Variants in FGD4 observed in about 807,000 individuals in gnomAD.
The protein encoded by FGD4 is FYVE, RhoGEF and PH domain containing 4.
A neutral mutation model predicts 102.0 loss-of-function variants in FGD4; 42 were observed. The ratio of observed to expected loss-of-function variants is 0.41; its 90% CI spans 0.32 to 0.53. The LOEUF (loss-of-function observed/expected upper bound fraction) is 0.53. Ranked by LOEUF, FGD4 falls within the 20% of genes least tolerant of loss-of-function variation. The pLI is 0.21. For synonymous variants in FGD4, 380 were observed against 375.7 expected (o/e 1.01, Z -0.13); for missense variants, 902 against 1,078.2 (o/e 0.84, Z 2.29).
At chr12:32,611,378 G>A in intron 10 of FGD4, 95 bp downstream of exon 10, 2 of 1,445,696 alleles carry the variant, frequency 1.4e-6, no homozygotes, top group Non-Finnish European at 1.9e-6. Context: ...CACTTTGGGA[G>A]GCCGAGGCGA....
At chr12:32,492,083 G>A (rs1944114454) in intron 1 of FGD4, among the ~76,000 whole-genome samples, 1 of 152,164 alleles carries the variant, frequency 6.6e-6, no homozygotes, top group East Asian at 1.9e-4. Context: ...TAGTGACTCT[G>A]GACAATGAAT....
At chr12:32,555,200 G>A (rs925355931) in intron 1 of FGD4, among the ~76,000 whole-genome samples, 6 of 152,208 alleles carry the variant, frequency 3.9e-5, no homozygotes, top group African/African-American at 1.2e-4. Context: ...AGGATTTCCT[G>A]GTGAATAGGA....
chr12:32,495,805 CTATT>C (rs1937778005), intron 1 of FGD4, among the ~76,000 whole-genome samples: 3 of 152,196 alleles, frequency 2.0e-5, no homozygotes, highest in South Asian at 2.1e-4. Context: ...TGCTGCATAT[CTATT>C]TGTGTGCGTG....
intron 1 of FGD4, among the ~76,000 whole-genome samples, chr12:32,554,259 T>G (rs1316753783): frequency 6.6e-6 from 1 of 152,234 alleles, no homozygotes; most frequent in African/African-American, 2.4e-5. Flanking sequence ...CTTTTAACTT[T>G]TTTTTTGTTT....
chr12:32,465,937 C>A (rs954742566), intron 1 of FGD4, among the ~76,000 whole-genome samples: 2 of 152,086 alleles, frequency 1.3e-5, no homozygotes, highest in Non-Finnish European at 2.9e-5. Flanking sequence ...CGCCACCATG[C>A]GTGGCTACTT....
intron 1 of FGD4, among the ~76,000 whole-genome samples, chr12:32,446,156 A>C (rs925899682): frequency 6.6e-6 from 1 of 152,240 alleles, no homozygotes; most frequent in African/African-American, 2.4e-5. Context: ...CCTTGTCTCA[A>C]AAAATAAAAA....
intron 1 of FGD4, among the ~76,000 whole-genome samples, chr12:32,427,551 G>T (rs990318680): frequency 1.3e-5 from 2 of 152,082 alleles, no homozygotes; most frequent in South Asian, 2.1e-4. Context: ...GTTGATTTGG[G>T]GTAGAGAGTT....
chr12:32,452,241 A>G (rs746826755), intron 1 of FGD4, among the ~76,000 whole-genome samples: 67 of 152,220 alleles, frequency 4.4e-4, no homozygotes, highest in Non-Finnish European at 9.0e-4. Context: ...TAGGAAAAAA[A>G]TTTATGTCTT....
intron 1 of FGD4, among the ~76,000 whole-genome samples, chr12:32,470,463 C>CTTT (rs551854980): frequency 2.3e-5 from 3 of 130,838 alleles, no homozygotes; most frequent in Non-Finnish European, 4.9e-5. Context: ...TTTTCTTTTT[C>CTTT]TTTTTTTTTT....
intron 1 of FGD4, among the ~76,000 whole-genome samples, chr12:32,485,607 AT>A (rs749655974): frequency 9.5e-5 from 14 of 147,778 alleles, no homozygotes; most frequent in South Asian, 2.2e-4. Flanking sequence ...CGCCTGGCTA[AT>A]TTTTTTTTTG....
Position 32,643,999 on chromosome 12 carries a change from C to T in FGD4, c.*3466C>T, listed in dbSNP as rs1951288577. 1 of 152,066 alleles carries T rather than the reference C, an allele frequency of 6.6e-6. No homozygotes were observed. 9.4% of individuals were successfully genotyped at this position (152,066 alleles called of 1,614,324 possible). A position where few individuals can be genotyped will look rare whatever the true frequency, so the allele number is the denominator to read the frequency against. On this transcript the variant is annotated 3_prime_UTR_variant, in exon 17 of 17. Coordinates refer to ENST00000534526, the MANE Select transcript of FGD4 (RefSeq NM_001370298.3). ...AGCAAGTAAACTTCTAGGGAACAAG[C>T]GTCTTGGGTTTTATAGGTATCTTTG...
intron 1 of FGD4, among the ~76,000 whole-genome samples, chr12:32,556,203 T>A (rs1944103402): frequency 6.6e-6 from 1 of 151,922 alleles, no homozygotes; most frequent in Non-Finnish European, 1.5e-5. Context: ...TAAGAACAGC[T>A]TAATATTTCT....
At chr12:32,563,867 G>A (rs76274747) in intron 1 of FGD4, among the ~76,000 whole-genome samples, 1 of 152,240 alleles carries the variant, frequency 6.6e-6, no homozygotes, top group South Asian at 2.1e-4. Flanking sequence ...CAGGCATGGC[G>A]GCGCGGGCAT....
chr12:32,564,387 G>C (rs752071463), intron 2 of FGD4, 98 bp downstream of exon 2: 2 of 1,412,398 alleles, frequency 1.4e-6, no homozygotes, highest in Non-Finnish European at 1.9e-6. Context: ...TTTTAAGCTA[G>C]AAGGAAGGAA....
At chr12:32,425,729 G>A (rs1295784819) in intron 1 of FGD4, among the ~76,000 whole-genome samples, 2 of 152,160 alleles carry the variant, frequency 1.3e-5, no homozygotes, top group Non-Finnish European at 2.9e-5. Context: ...CCATTTGTTT[G>A]TGTCCTCTCT....
chr12:32,407,229 G>A lies in FGD4; in HGVS notation c.166+7270G>A, dbSNP rs552678579. On this transcript the variant is annotated intron_variant, in intron 1 of 16. Transcript: ENST00000534526. Reference sequence around the variant, plus strand: ...CAACCTCCCCCTCCCGGGTTCAAATGATTCTCCTGCCTCAGCCTTCCGAGT... The same window carrying A: ...CAACCTCCCCCTCCCGGGTTCAAATAATTCTCCTGCCTCAGCCTTCCGAGT... 2.1e-3 allele frequency among the ~76,000 whole-genome samples: 307 copies of A among 145,286 alleles called. 1 individual carries two copies. Among genetic ancestry groups the A allele is most frequent in the African/African-American group, 7.3e-3 (283 of 38,890 alleles).
At chr12:32,570,293 G>A (rs1945554576) in intron 2 of FGD4, among the ~76,000 whole-genome samples, 1 of 146,910 alleles carries the variant, frequency 6.8e-6, no homozygotes, top group Non-Finnish European at 1.5e-5. Flanking sequence ...AATCTGATTT[G>A]ACTGAAATGG....
chr12:32,538,925 G>A (rs1162630206), intron 1 of FGD4, among the ~76,000 whole-genome samples: 10 of 151,924 alleles, frequency 6.6e-5, no homozygotes, highest in Admixed American at 5.9e-4. Context: ...GTGGTGGCAC[G>A]CACCTGTAGT....
chr12:32,570,535 A>G (rs959595087), intron 2 of FGD4, among the ~76,000 whole-genome samples: 2 of 151,758 alleles, frequency 1.3e-5, no homozygotes, highest in African/African-American at 4.8e-5. Context: ...TCCACCTCCC[A>G]GGTTCAAGCG....
Sources: allele counts gnomAD v4.1 joint callset (sites outside exome capture counted in the v4.1 genomes callset), GRCh38; gene constraint gnomAD v4.1.1; transcripts MANE v1.5; gene names NCBI Gene and HGNC (gene_info 2026-07-23, HGNC 2026-07-21).